The following KRI1 variants were observed in gnomAD, a reference collection of about 807,000 sequenced individuals.
KRI1 encodes protein KRI1 homolog.
Under a neutral mutation model 97.0 loss-of-function variants are expected in KRI1, and 83 were observed. That is an observed-to-expected ratio of 0.86 (90% CI 0.72 to 1.03). The LOEUF is 1.03. Ranked by LOEUF, KRI1 falls within the 50% of genes least tolerant of loss-of-function variation. The pLI is 0.00. For missense variants in KRI1, 916 were observed against 928.4 expected (o/e 0.99, Z 0.17); for synonymous variants, 371 against 363.5 (o/e 1.02, Z -0.23).
At chr19:10,558,327 G>A in intron 12 of KRI1, 88 bp from the exon 13 acceptor site, 6 of 1,255,626 alleles carry the variant, frequency 4.8e-6, no homozygotes, top group Non-Finnish European at 7.0e-6. Flanking sequence ...CCCCTCCTTG[G>A]CAACTTTACT....
At chr19:10,560,194 G>A in intron 9 of KRI1, 118 bp downstream of exon 9, 1 of 1,428,016 alleles carries the variant, frequency 7.0e-7, no homozygotes, top group Admixed American at 2.6e-5. Flanking sequence ...GACTAACTCT[G>A]CCACCATCTG....
In KRI1 at chr19:10,562,128, A is replaced by AC. The variant is rs949803346; in HGVS notation, c.384-284_384-283insG. Among the ~76,000 whole-genome samples, 3 of 151,008 alleles carry AC rather than the reference A, an allele frequency of 2.0e-5. No individual in the cohort carries two copies. The Admixed American group carries it at 2.0e-4, about 10-fold the overall frequency. The stretch of plus-strand genomic sequence containing the variant: ...CAGTGGCATGATCTCGGAAAACTGC[A>AC]ACCTCCACCTCCCAGATTCAAGCGA... On this transcript the variant is annotated intron_variant, in intron 4 of 18. Transcript: ENST00000312962.
Position 10,561,067 on chromosome 19 carries a change from G to C in KRI1, c.599C>G (p.Ala200Gly). 6.2e-7 allele frequency: 1 copy of C among 1,614,028 alleles called. No individual in the cohort carries two copies. The highest frequency in any genetic ancestry group is 8.5e-7 in the Non-Finnish European group (1 of 1,179,984). ...KTRQEKAQEE[A>G]DYIEWLKGQK... ...TCCCTTCAGCCACTCGATGTAGTCG[G>C]CCTCCTCCTGGGCCTGGGGGAAAGC... Residue 200 changes from alanine (A) to glycine (G), a missense_variant, in exon 8 of 19, where the codon GCC becomes GGC. Ala to Gly is a moderately conservative substitution (Grantham distance 60, BLOSUM62 0). Transcript: ENST00000312962.
In KRI1 at chr19:10,557,808, C is replaced by T. The variant is rs1474337630; in HGVS notation, c.1447G>A (p.Ala483Thr). 44 of 1,613,280 alleles carry T rather than the reference C, an allele frequency of 2.7e-5. No individual in the cohort carries two copies. The highest frequency in any genetic ancestry group is 3.4e-5 in the Non-Finnish European group (40 of 1,179,940). Residue 483 changes from alanine (A) to threonine (T), a missense_variant, in exon 15 of 19, where the codon GCC becomes ACC. Physicochemically the swap from Ala to Thr is moderately conservative, Grantham distance 58 (BLOSUM62 0). Coordinates refer to ENST00000312962, the MANE Select transcript of KRI1 (RefSeq NM_023008.5). ...GGCTTCTCCTGCCCCACGGCCGCGG[C>T]GAAGGGCGACTTGCGCTTCTTCTTG... ...TGKKKRKSPF[A>T]AAVGQEKPVF...
In KRI1 at chr19:10,554,148, A is replaced by C; in HGVS notation, c.1915T>G (p.Ser639Ala). ...PPAQEEEAPV[S>A]PHKKPAPQKR... ...TGGGGGGCTGGCTTCTTGTGGGGTG[A>C]TACAGGGGCTTCCTCTTCCTGTGCT... Residue 639 changes from serine to alanine, a missense_variant, in exon 19 of 19, where the codon TCA (serine) becomes GCA (alanine). Transcript: ENST00000312962. 6.2e-7 allele frequency: 1 copy of C among 1,613,858 alleles called. No homozygotes were observed. The highest frequency in any genetic ancestry group is 8.5e-7 in the Non-Finnish European group (1 of 1,179,976).
intron 4 of KRI1, 23 bp downstream of exon 4, chr19:10,562,705 TG>T (rs752192409): frequency 2.3e-6 from 3 of 1,314,370 alleles, no homozygotes; most frequent in South Asian, 1.2e-5. Context: ...AACCAGGGGG[TG>T]GGGATGTAGG....
intron 6 of KRI1, 66 bp downstream of exon 6, chr19:10,561,601 C>T (rs377288022): frequency 6.0e-5 from 88 of 1,478,172 alleles, no homozygotes; most frequent in Admixed American, 4.4e-4. Flanking sequence ...AATTTGAACC[C>T]GTGCCTATCC....
At chr19:10,555,789 A>G (rs1006896971) in intron 16 of KRI1, among the ~76,000 whole-genome samples, 2 of 152,200 alleles carry the variant, frequency 1.3e-5, no homozygotes, top group Admixed American at 6.5e-5. Context: ...TGCCGATGGT[A>G]TAAGCTTAGT....
At chr19:10,554,377 C>A in intron 18 of KRI1, 96 bp from the exon 19 acceptor site, 2 of 1,082,134 alleles carry the variant, frequency 1.8e-6, no homozygotes, top group East Asian at 4.9e-5. Context: ...AAAGGAGGGG[C>A]ATAGTGAAGC....
rs1916709216 is a variant in KRI1, at chr19:10,561,771, C to A, written c.438+20G>T. 1.2e-6 allele frequency: 2 copies of A among 1,614,054 alleles called. No homozygotes were observed. The highest frequency in any genetic ancestry group is 4.5e-5 in the East Asian group (2 of 44,878). ...GCCCCAGGCCCCTCAGCCCCCCGACCCAGCCTTCACCCCACCCACCTGGAG... is the reference window on the plus strand; with the variant it reads ...GCCCCAGGCCCCTCAGCCCCCCGACACAGCCTTCACCCCACCCACCTGGAG... On this transcript the variant is annotated intron_variant, in intron 5 of 18. Coordinates refer to ENST00000312962, the MANE Select transcript of KRI1 (RefSeq NM_023008.5).
At chr19:10,554,553 TTTC>T (rs1313969525) in intron 18 of KRI1, among the ~76,000 whole-genome samples, 45 of 152,244 alleles carry the variant, frequency 3.0e-4, no homozygotes, top group African/African-American at 9.4e-4. Context: ...TTTTAGCCTT[TTTC>T]TTCCTTAGAG....
chr19:10,565,995 G>C lies in KRI1; in HGVS notation c.5C>G (p.Pro2Arg), dbSNP rs577890892. 175 of 1,520,676 alleles carry C rather than the reference G, an allele frequency of 1.2e-4. No individual in the cohort carries two copies. The highest frequency in any genetic ancestry group is 1.4e-4 in the Admixed American group (7 of 49,058). 94.2% of individuals were successfully genotyped at this position (1,520,676 alleles called of 1,614,324 possible). M[P>R]EPRGSSQLRV... Reference sequence around the variant, plus strand: ...CAGCTGCGACGACCCGCGCGGTTCCGGCATGGCGGTTCTGTGGCCCATTGC... The same window carrying C: ...CAGCTGCGACGACCCGCGCGGTTCCCGCATGGCGGTTCTGTGGCCCATTGC... The change falls in exon 1 of 19, where the codon CCG becomes CGG. Residue 2 changes from proline to arginine, a missense_variant. Coordinates refer to ENST00000312962, the MANE Select transcript of KRI1 (RefSeq NM_023008.5).
chr19:10,553,655 A>G lies in KRI1; in HGVS notation c.*296T>C. Reference sequence around the variant, plus strand: ...CAGTGGTGCAATCATAGCTCTCTGTAGCCTCAAACTCATGGCCTTAAGTGA... The same window carrying G: ...CAGTGGTGCAATCATAGCTCTCTGTGGCCTCAAACTCATGGCCTTAAGTGA... On this transcript the variant is annotated 3_prime_UTR_variant, in exon 19 of 19. Coordinates refer to ENST00000312962, the MANE Select transcript of KRI1 (RefSeq NM_023008.5). 1 of 310,088 alleles carries G rather than the reference A, an allele frequency of 3.2e-6. No homozygotes were observed. The highest frequency in any genetic ancestry group is 7.0e-5 in the South Asian group (1 of 14,350). The allele number at this position is 310,088 out of a possible 1,614,324, so 19.2% of individuals were successfully genotyped here.
Position 10,565,929 on chromosome 19 carries a change from C to T in KRI1, c.71G>A (p.Arg24Gln), listed in dbSNP as rs1241030572. The change falls in exon 1 of 19, where the codon CGG becomes CAG. Residue 24 changes from arginine (R) to glutamine (Q), a missense_variant. Arg to Gln is a conservative substitution (Grantham distance 43). Coordinates refer to ENST00000312962, the MANE Select transcript of KRI1 (RefSeq NM_023008.5). ...ACGCCGCTGCAGTTCCTCGCGCTCCCGGTAGCGGTTGTACCGCGCGGCAAA... is the reference window on the plus strand; with the variant it reads ...ACGCCGCTGCAGTTCCTCGCGCTCCTGGTAGCGGTTGTACCGCGCGGCAAA... Reference protein sequence around the residue: ...AAFAARYNRYREREELQRLKD... With the variant: ...AAFAARYNRYQEREELQRLKD... 5 of 1,534,676 alleles carry T rather than the reference C, an allele frequency of 3.3e-6. No individual in the cohort carries two copies. Among genetic ancestry groups the T allele is most frequent in the Non-Finnish European group, 4.4e-6 (5 of 1,141,248 alleles).
At chr19:10,558,585 C>T (rs528339116) in intron 12 of KRI1, among the ~76,000 whole-genome samples, 1 of 152,236 alleles carries the variant, frequency 6.6e-6, no homozygotes, top group East Asian at 1.9e-4. Context: ...TCTTGTTGCC[C>T]AAGCAGGAGT....
chr19:10,557,208 G>A (rs543424196), intron 16 of KRI1, among the ~76,000 whole-genome samples: 3 of 149,936 alleles, frequency 2.0e-5, no homozygotes, highest in East Asian at 2.0e-4. Flanking sequence ...GGGTTCAAGC[G>A]ATTCTCCTGC....
rs1323742614 is a variant in KRI1 at position 10,555,106 on chromosome 19, T to C, written c.1762A>G (p.Lys588Glu). The change falls in exon 18 of 19, where the codon AAG becomes GAG. Residue 588 changes from lysine to glutamate, a missense_variant. By Grantham distance (56) the Lys-to-Glu change is moderately conservative (BLOSUM62 1). Coordinates refer to ENST00000312962, the MANE Select transcript of KRI1 (RefSeq NM_023008.5). ...QNSWKKRQVF[K>E]SLCREEAETP... is the part of the protein sequence containing the mutation. ...GCTTACTCTTCTCGGCAGAGTGACTTGAAGACCTGCCGCTTTTTCCATGAG... is the reference window on the plus strand; with the variant it reads ...GCTTACTCTTCTCGGCAGAGTGACTCGAAGACCTGCCGCTTTTTCCATGAG... 12 of 1,613,970 alleles carry C rather than the reference T, an allele frequency of 7.4e-6. No homozygotes were observed. The highest frequency in any genetic ancestry group is 1.7e-5 in the Admixed American group (1 of 59,998).
chr19:10,553,277 G>A lies in KRI1; in HGVS notation c.*674C>T. ...CCACCAGCGGGGCCCTCCTGGCAGG[G>A]TAGGGAAGGAGGACCCCGGGCACCC... On this transcript the variant is annotated 3_prime_UTR_variant, in exon 19 of 19. Transcript: ENST00000312962. 1 of 631,710 alleles carries A rather than the reference G, an allele frequency of 1.6e-6. No individual in the cohort carries two copies. Among genetic ancestry groups the A allele is most frequent in the Admixed American group, 3.1e-5 (1 of 32,236 alleles). 39.1% of individuals were successfully genotyped at this position (631,710 alleles called of 1,614,324 possible). A position where few individuals can be genotyped will look rare whatever the true frequency, so the allele number is the denominator to read the frequency against.
chr19:10,562,176 C>T (rs1916722915), intron 4 of KRI1, among the ~76,000 whole-genome samples: 1 of 151,298 alleles, frequency 6.6e-6, no homozygotes, highest in African/African-American at 2.4e-5. Flanking sequence ...AGCCTCCCCA[C>T]GTAGCTGGGA....
Sources: allele counts gnomAD v4.1 joint callset (sites outside exome capture counted in the v4.1 genomes callset), GRCh38; gene constraint gnomAD v4.1.1; transcripts MANE v1.5; gene names NCBI Gene and HGNC (gene_info 2026-07-23, HGNC 2026-07-21).